The following LSAMP variants were observed in gnomAD, a reference collection of about 807,000 sequenced individuals.
The protein encoded by LSAMP is limbic system associated membrane protein.
In LSAMP, 7 loss-of-function variants were observed where a neutral mutation model predicts 38.6. The ratio of observed to expected loss-of-function variants is 0.18; its 90% CI spans 0.10 to 0.34. The LOEUF is 0.34. Ranked by LOEUF, LSAMP falls within the 10% of genes least tolerant of loss-of-function variation. The pLI, the probability that LSAMP is intolerant of heterozygous loss-of-function variation, is 1.00. For missense variants in LSAMP, 313 were observed against 420.0 expected (o/e 0.75, Z 2.23); for synonymous variants, 154 against 166.8 (o/e 0.92, Z 0.59).
At chr3:116,418,411 A>G (rs2049078611) in intron 1 of LSAMP, among the ~76,000 whole-genome samples, 1 of 152,208 alleles carries the variant, frequency 6.6e-6, no homozygotes, top group Non-Finnish European at 1.5e-5. Context: ...AATTTCAATG[A>G]CATCTTCACT....
chr3:116,080,655 G>T (rs544784577), intron 2 of LSAMP, among the ~76,000 whole-genome samples: 7 of 152,320 alleles, frequency 4.6e-5, no homozygotes, highest in Non-Finnish European at 1.0e-4. Context: ...TGTGAATAGT[G>T]AAGTCTTTCA....
chr3:116,408,824 A>T (rs544093775), intron 1 of LSAMP, among the ~76,000 whole-genome samples: 1 of 152,194 alleles, frequency 6.6e-6, no homozygotes, highest in South Asian at 2.1e-4. Flanking sequence ...TGTCAGATAC[A>T]CAATGACTAT....
intron 1 of LSAMP, among the ~76,000 whole-genome samples, chr3:116,250,230 G>T (rs965705481): frequency 6.6e-6 from 1 of 152,074 alleles, no homozygotes; most frequent in Admixed American, 6.5e-5. Flanking sequence ...TCATTGTATT[G>T]TTATCTTTCC....
At chr3:116,229,789 C>G (rs554902766) in intron 1 of LSAMP, among the ~76,000 whole-genome samples, 25 of 152,190 alleles carry the variant, frequency 1.6e-4, no homozygotes, top group Non-Finnish European at 3.2e-4. Context: ...CTTCAGGAGT[C>G]ATTAGGCCAG....
chr3:115,852,447 G>A (rs1321949195), intron 4 of LSAMP, 36 bp downstream of exon 4: 1 of 1,579,446 alleles, frequency 6.3e-7, no homozygotes, highest in Admixed American at 1.8e-5. Flanking sequence ...GGTGCACCCT[G>A]GGCACCTAGC....
chr3:116,342,656 T>G (rs1435962480), intron 1 of LSAMP, among the ~76,000 whole-genome samples: 4 of 152,102 alleles, frequency 2.6e-5, no homozygotes. Flanking sequence ...TGAAAATAGC[T>G]GCAGCATAGT....
At chr3:116,221,397 G>A (rs931745258) in intron 1 of LSAMP, among the ~76,000 whole-genome samples, 3 of 152,122 alleles carry the variant, frequency 2.0e-5, no homozygotes, top group African/African-American at 7.2e-5. Flanking sequence ...AGGATTCCAA[G>A]CTATAGCCTT....
intron 1 of LSAMP, among the ~76,000 whole-genome samples, chr3:116,416,260 G>A (rs189757682): frequency 9.2e-5 from 14 of 152,224 alleles, no homozygotes; most frequent in Admixed American, 7.9e-4. Flanking sequence ...TTGCCTCTCC[G>A]TGGTGGACAC....
At chr3:116,000,375 AC>A (rs990841368) in intron 3 of LSAMP, among the ~76,000 whole-genome samples, 1 of 152,148 alleles carries the variant, frequency 6.6e-6, no homozygotes, top group Non-Finnish European at 1.5e-5. Context: ...TTTCCCCAGA[AC>A]CCCTAGATAG....
At chr3:116,169,449 C>G (rs1351679047) in intron 1 of LSAMP, among the ~76,000 whole-genome samples, 2 of 152,140 alleles carry the variant, frequency 1.3e-5, no homozygotes, top group Non-Finnish European at 2.9e-5. Context: ...GCTAAGGTAT[C>G]CATCATAGGT....
At chr3:116,225,606 C>G (rs1184119848) in intron 1 of LSAMP, among the ~76,000 whole-genome samples, 1 of 152,110 alleles carries the variant, frequency 6.6e-6, no homozygotes, top group Non-Finnish European at 1.5e-5. Context: ...GAAAAATATA[C>G]TTTGTTGACA....
intron 1 of LSAMP, among the ~76,000 whole-genome samples, chr3:116,275,285 T>C (rs1488748711): frequency 6.6e-6 from 1 of 152,028 alleles, no homozygotes; most frequent in Non-Finnish European, 1.5e-5. Context: ...ACTCCTAGGC[T>C]CAAGCAATCC....
At chr3:116,133,125 T>C (rs192038528) in intron 1 of LSAMP, among the ~76,000 whole-genome samples, 1 of 152,332 alleles carries the variant, frequency 6.6e-6, no homozygotes, top group Admixed American at 6.5e-5. Flanking sequence ...GCACTTGCCT[T>C]CTTGTTCAAT....
intron 2 of LSAMP, among the ~76,000 whole-genome samples, chr3:116,067,591 G>A (rs1707491174): frequency 1.3e-5 from 2 of 152,176 alleles, no homozygotes; most frequent in Non-Finnish European, 2.9e-5. Flanking sequence ...ATACCCCCTG[G>A]TTGTTGCTGC....
intron 2 of LSAMP, among the ~76,000 whole-genome samples, chr3:116,077,828 C>T (rs1203703731): frequency 1.3e-5 from 2 of 152,158 alleles, no homozygotes; most frequent in Non-Finnish European, 2.9e-5. Flanking sequence ...CTTTTATAAC[C>T]TAGACATTTA....
chr3:116,385,937 A>G lies in LSAMP; in HGVS notation c.155+58940T>C, dbSNP rs550726466. Among the ~76,000 whole-genome samples the G allele has an allele frequency of 2.0e-5, 3 of 152,226 alleles. No homozygotes were observed. In the South Asian group the frequency reaches 6.2e-4, roughly 32 times the overall value. On this transcript the variant is annotated intron_variant, in intron 1 of 6. Transcript: ENST00000490035. ...TATTGACATTACTACTACTACTACTACTACTACTATTACAAATAACCACCA... is the reference window on the plus strand; with the variant it reads ...TATTGACATTACTACTACTACTACTGCTACTACTATTACAAATAACCACCA...
In LSAMP at chr3:115,974,942, G is replaced by A. The variant is rs1372493829; in HGVS notation, c.514+44573C>T. Among the ~76,000 whole-genome samples the A allele has an allele frequency of 3.3e-5, 5 of 152,138 alleles. No individual in the cohort carries two copies. The East Asian group carries it at 5.8e-4, about 18-fold the overall frequency. On this transcript the variant is annotated intron_variant, in intron 3 of 6. Transcript: ENST00000490035. The stretch of plus-strand genomic sequence containing the variant: ...GGTCCCCTTGGCCAAGAGGGGATCT[G>A]TTCAGTCAGTTGAGGGCTTAGGATT...
chr3:116,044,421 A>AAT (rs1162442352), intron 2 of LSAMP, among the ~76,000 whole-genome samples: 3 of 152,110 alleles, frequency 2.0e-5, no homozygotes, highest in Non-Finnish European at 2.9e-5. Context: ...GAACCCTATT[A>AAT]ATATTCGTCT....
chr3:116,120,274 C>T (rs909026413), intron 1 of LSAMP, among the ~76,000 whole-genome samples: 1 of 152,024 alleles, frequency 6.6e-6, no homozygotes. Context: ...TGGTGGGAGG[C>T]GTGAGCTAAT....
Sources: allele counts gnomAD v4.1 joint callset (sites outside exome capture counted in the v4.1 genomes callset), GRCh38; gene constraint gnomAD v4.1.1; transcripts MANE v1.5; gene names NCBI Gene and HGNC (gene_info 2026-07-23, HGNC 2026-07-21).